The following RAB7B variants were observed in gnomAD, a reference collection of about 807,000 sequenced individuals.
RAB7B encodes the protein RAB7B, member RAS oncogene family, also known as ras-related protein Rab-7b.
chr1:205,993,273 A>C (rs1315901765), intron 3 of RAB7B, 147 bp downstream of exon 3: 3 of 393,540 alleles, frequency 7.6e-6, no homozygotes, highest in Non-Finnish European at 8.9e-6. Flanking sequence ...TAGGAGGTGG[A>C]TCAGATTTGG....
intron 4 of RAB7B, among the ~76,000 whole-genome samples, chr1:205,989,121 C>G (rs1479182217): frequency 6.6e-5 from 10 of 150,752 alleles, no homozygotes; most frequent in African/African-American, 2.0e-4. Context: ...AGGCTCCCCT[C>G]TCCTCCATCC....
At chr1:205,994,703 A>C (rs1660780357) in intron 1 of RAB7B, among the ~76,000 whole-genome samples, 1 of 152,192 alleles carries the variant, frequency 6.6e-6, no homozygotes, top group East Asian at 1.9e-4. Flanking sequence ...GCAAGTGTTG[A>C]GAGCCTTAAA....
chr1:205,985,148 A>ATG (rs1660567540), intron 5 of RAB7B, among the ~76,000 whole-genome samples: 1 of 152,036 alleles, frequency 6.6e-6, no homozygotes, highest in African/African-American at 2.4e-5. Context: ...AGCAACTCGT[A>ATG]CAGGTTTGAT....
At chr1:205,982,338 G>C (rs1307727300) in intron 5 of RAB7B, among the ~76,000 whole-genome samples, 1 of 152,140 alleles carries the variant, frequency 6.6e-6, no homozygotes, top group Admixed American at 6.5e-5. Context: ...ATCAGCTCCT[G>C]ATGTTTCTAC....
intron 2 of RAB7B, among the ~76,000 whole-genome samples, 164 bp downstream of exon 2, chr1:205,993,919 C>CAGCTTCTT (rs1660767524): frequency 6.6e-6 from 1 of 152,200 alleles, no homozygotes. Flanking sequence ...TGTTTACATG[C>CAGCTTCTT]AGCTTCTTTG....
rs1005651238 is a variant in RAB7B at position 205,990,304 on chromosome 1, A to G, written c.396+2176T>C. Among the ~76,000 whole-genome samples the G allele has an allele frequency of 2.9e-3, 444 of 152,332 alleles. 8 individuals are homozygous for G. The South Asian group carries it at 0.036, about 12-fold the overall frequency. ...CCTTGCCTCTCCCAAGAGGAGGAAC[A>G]GTTAAGGACTCATCTCTAGCTAAAA... On this transcript the variant is annotated intron_variant, in intron 4 of 5. Coordinates refer to ENST00000617070, the MANE Select transcript of RAB7B (RefSeq NM_001164522.3).
intron 1 of RAB7B, among the ~76,000 whole-genome samples, chr1:205,997,519 A>C: frequency 6.6e-6 from 1 of 152,312 alleles, no homozygotes; most frequent in South Asian, 2.1e-4. Context: ...AAAGGAAGCA[A>C]GATTAAGACG....
At chr1:205,989,168 T>C (rs1660673887) in intron 4 of RAB7B, among the ~76,000 whole-genome samples, 1 of 151,760 alleles carries the variant, frequency 6.6e-6, no homozygotes, top group Non-Finnish European at 1.5e-5. Context: ...CTCCATCCTC[T>C]CCAGGGACCT....
At chr1:205,993,334 T>C (rs989153079) in intron 3 of RAB7B, 86 bp downstream of exon 3, 4 of 396,146 alleles carry the variant, frequency 1.0e-5, no homozygotes, top group African/African-American at 8.2e-5. Context: ...CTAGCTCTGG[T>C]TCACATTGCT....
chr1:205,982,459 C>T (rs1232060529), intron 5 of RAB7B, among the ~76,000 whole-genome samples: 3 of 152,284 alleles, frequency 2.0e-5, no homozygotes, highest in East Asian at 1.9e-4. Flanking sequence ...CTCGGCAGCA[C>T]GAAGCTCCCT....
intron 4 of RAB7B, among the ~76,000 whole-genome samples, chr1:205,987,010 C>T (rs1261733835): frequency 3.9e-5 from 6 of 152,106 alleles, no homozygotes; most frequent in Admixed American, 6.5e-5. Context: ...CCCAAGTGCC[C>T]GGTTATGACA....
intron 3 of RAB7B, among the ~76,000 whole-genome samples, 190 bp from the exon 4 acceptor site, chr1:205,992,885 A>T (rs1334315138): frequency 6.6e-6 from 1 of 152,222 alleles, no homozygotes; most frequent in Non-Finnish European, 1.5e-5. Flanking sequence ...CTTTGTGGTA[A>T]CATTTAACAT....
chr1:205,992,743 A>G (rs1038986050), intron 3 of RAB7B, 48 bp from the exon 4 acceptor site: 1 of 398,742 alleles, frequency 2.5e-6, no homozygotes, highest in Admixed American at 4.4e-5. Flanking sequence ...AATGGCTGGA[A>G]GGAGGCCCAG....
At chr1:205,986,415 A>G (rs1031237375) in intron 4 of RAB7B, among the ~76,000 whole-genome samples, 29 of 152,218 alleles carry the variant, frequency 1.9e-4, no homozygotes, top group African/African-American at 7.0e-4. Context: ...CCCAGATCAC[A>G]TAGCTGAGAG....
rs965163716 is a variant in RAB7B at position 205,995,046 on chromosome 1, C to A, written c.-16-895G>T. On this transcript the variant is annotated intron_variant, in intron 1 of 5. Coordinates refer to ENST00000617070, the MANE Select transcript of RAB7B (RefSeq NM_001164522.3). ...ACACTGCATGTTCTCACTCATAGATCGTAATTGAACAGTGAGAACACTTGG... is the reference window on the plus strand; with the variant it reads ...ACACTGCATGTTCTCACTCATAGATAGTAATTGAACAGTGAGAACACTTGG... Among the ~76,000 whole-genome samples the A allele has an allele frequency of 8.5e-5, 13 of 152,052 alleles. No individual in the cohort carries two copies. In the South Asian group the frequency reaches 2.5e-3, roughly 29 times the overall value.
At position 205,992,648 on chromosome 1, in the gene RAB7B, C is replaced by T. The variant is rs1660742665; in HGVS notation, c.228G>A (p.Thr76=). Residue 76 remains threonine (T), a synonymous_variant, in exon 4 of 6, where the codon ACG becomes ACA. Transcript: ENST00000617070. ...TGCAGCCATCGGAGCCCTTGTAGAACGTGGACACCATGGAGCGGAACCGCT... is the reference window on the plus strand; with the variant it reads ...TGCAGCCATCGGAGCCCTTGTAGAATGTGGACACCATGGAGCGGAACCGCT... The part of the protein sequence containing the change: ...GQERFRSMVS[T]FYKGSDGCIL... The T allele has an allele frequency of 7.5e-6, 3 of 398,664 alleles. No homozygotes were observed. Among genetic ancestry groups the T allele is most frequent in the African/African-American group, 4.1e-5 (2 of 48,648 alleles). 24.7% of individuals were successfully genotyped at this position (398,664 alleles called of 1,614,324 possible).
At chr1:205,998,860 G>A (rs1466473141) in intron 1 of RAB7B, among the ~76,000 whole-genome samples, 1 of 152,150 alleles carries the variant, frequency 6.6e-6, no homozygotes, top group Non-Finnish European at 1.5e-5. Flanking sequence ...ACAAATTAAG[G>A]ACTCAAGAAA....
intron 5 of RAB7B, among the ~76,000 whole-genome samples, chr1:205,980,136 G>A (rs1203753433): frequency 6.6e-6 from 1 of 152,216 alleles, no homozygotes; most frequent in African/African-American, 2.4e-5. Flanking sequence ...AGCTTGTGGT[G>A]CTGAACCTGG....
intron 1 of RAB7B, among the ~76,000 whole-genome samples, chr1:206,000,429 G>A (rs1660872599): frequency 6.6e-6 from 1 of 152,206 alleles, no homozygotes; most frequent in African/African-American, 2.4e-5. Context: ...AAGAGAGTGA[G>A]GATGTCTGGT....
Sources: allele counts gnomAD v4.1 joint callset (sites outside exome capture counted in the v4.1 genomes callset), GRCh38; gene constraint gnomAD v4.1.1; transcripts MANE v1.5; gene names NCBI Gene and HGNC (gene_info 2026-07-23, HGNC 2026-07-21).